The following PSTPIP1 variants were observed in gnomAD, a reference collection of about 807,000 sequenced individuals.
PSTPIP1 encodes the protein proline-serine-threonine phosphatase-interacting protein 1.
A neutral mutation model predicts 69.6 loss-of-function variants in PSTPIP1; 66 were observed. The ratio of observed to expected loss-of-function variants is 0.95; its 90% CI spans 0.78 to 1.16. The LOEUF (loss-of-function observed/expected upper bound fraction) is 1.16, where lower values mean the gene tolerates loss of function less well. Ranked by LOEUF, PSTPIP1 falls within the 50% of genes most tolerant of loss-of-function variation. The pLI is 0.00. For missense variants in PSTPIP1, 603 were observed against 557.4 expected (o/e 1.08, Z -0.82); for synonymous variants, 266 against 222.7 (o/e 1.19, Z -1.73).
At chr15:77,015,785 C>T (rs955221100) in intron 1 of PSTPIP1, 2 of 384,892 alleles carry the variant, frequency 5.2e-6, no homozygotes, top group East Asian at 7.3e-5. Context: ...TGGGAGGCAT[C>T]GTGAGCAGCC....
At chr15:76,997,131 G>A (rs953581814) in intron 1 of PSTPIP1, among the ~76,000 whole-genome samples, 9 of 152,218 alleles carry the variant, frequency 5.9e-5, no homozygotes, top group Non-Finnish European at 7.3e-5. Context: ...TATGGCAGCC[G>A]CAGCAGAAGC....
At chr15:77,015,624 A>T (rs896645832) in intron 1 of PSTPIP1, among the ~76,000 whole-genome samples, 8 of 152,146 alleles carry the variant, frequency 5.3e-5, no homozygotes, top group Non-Finnish European at 1.0e-4. Context: ...TGACTGATTA[A>T]GTTACAGGAT....
intron 1 of PSTPIP1, among the ~76,000 whole-genome samples, chr15:77,003,196 C>A (rs2075746398): frequency 6.6e-6 from 1 of 152,194 alleles, no homozygotes; most frequent in Non-Finnish European, 1.5e-5. Context: ...GGATGCCCTT[C>A]CTCCTCACCC....
intron 1 of PSTPIP1, among the ~76,000 whole-genome samples, chr15:77,002,148 G>A (rs1391864539): frequency 6.6e-6 from 1 of 152,184 alleles, no homozygotes; most frequent in Non-Finnish European, 1.5e-5. Flanking sequence ...GCCCCCAAAC[G>A]CATTGTCAGT....
chr15:77,010,838 G>A (rs1014735485), intron 1 of PSTPIP1, among the ~76,000 whole-genome samples: 1 of 152,058 alleles, frequency 6.6e-6, no homozygotes, highest in Admixed American at 6.6e-5. Context: ...TAGAGACAGG[G>A]TTTCACCATG....
In PSTPIP1 at chr15:77,037,231, C is replaced by G; in HGVS notation, c.*55C>G. 6.5e-7 allele frequency: 1 copy of G among 1,547,728 alleles called. No homozygotes were observed. The stretch of plus-strand genomic sequence containing the variant: ...CCTGCCAGTGGAGCCAGCAGTGCCC[C>G]CAGCACTGTCCCCACCTTGCTAGGG... On this transcript the variant is annotated 3_prime_UTR_variant, in exon 15 of 15. Transcript: ENST00000558012.
Position 77,037,346 on chromosome 15 carries a change from G to GCCCAGAACCAAGC in PSTPIP1, c.*170_*171insCCCAGAACCAAGC. ...CGTTCTGTTCTCCTTGGTGTGCTGG[G>GCCCAGAACCAAGC]GTCCCGTTCTCTTTTTCTCCTGCTC... On this transcript the variant is annotated 3_prime_UTR_variant, in exon 15 of 15. Transcript: ENST00000558012. The GCCCAGAACCAAGC allele has an allele frequency of 1.1e-6, 1 of 869,718 alleles. No individual in the cohort carries two copies. The highest frequency in any genetic ancestry group is 1.7e-6 in the Non-Finnish European group (1 of 597,544). 53.9% of individuals were successfully genotyped at this position (869,718 alleles called of 1,614,324 possible).
chr15:77,025,484 T>C lies in PSTPIP1; in HGVS notation c.248-14T>C. Reference sequence around the variant, plus strand: ...ATCTGACACTGGGGACCAGTATCCATGCTCTGCCCCCAGAAATGGAGAATG... The same window carrying C: ...ATCTGACACTGGGGACCAGTATCCACGCTCTGCCCCCAGAAATGGAGAATG... On this transcript the variant is annotated splice_polypyrimidine_tract_variant and intron_variant, in intron 4 of 14. Transcript: ENST00000558012. The C allele has an allele frequency of 6.4e-7, 1 of 1,567,760 alleles. No individual in the cohort carries two copies. The highest frequency in any genetic ancestry group is 1.4e-5 in the African/African-American group (1 of 73,794).
chr15:77,003,159 G>C (rs1225799284), intron 1 of PSTPIP1, among the ~76,000 whole-genome samples: 1 of 152,198 alleles, frequency 6.6e-6, no homozygotes, highest in Non-Finnish European at 1.5e-5. Context: ...TCATGCAAAA[G>C]AGGACAGAGG....
At position 77,030,576 on chromosome 15, in the gene PSTPIP1, T is replaced by A; in HGVS notation, c.637T>A (p.Cys213Ser). Reference sequence around the variant, plus strand: ...GTGGGAGCAGGAGCACCGGACCACCTGTGAGGTGAGTGGCCCACGTGGAGC... The same window carrying A: ...GTGGGAGCAGGAGCACCGGACCACCAGTGAGGTGAGTGGCCCACGTGGAGC... ...AEWEQEHRTT[C>S]EAFQLQEFDR... The change falls in exon 9 of 15, where the codon TGT becomes AGT. Residue 213 changes from cysteine (C) to serine (S), a missense_variant. Physicochemically the swap from Cys to Ser is moderately radical, Grantham distance 112. Transcript: ENST00000558012. 1 of 1,599,876 alleles carries A rather than the reference T, an allele frequency of 6.3e-7. No individual in the cohort carries two copies. Among genetic ancestry groups the A allele is most frequent in the South Asian group, 1.1e-5 (1 of 90,602 alleles).
chr15:77,028,569 G>C lies in PSTPIP1; in HGVS notation c.433G>C (p.Glu145Gln). 2 of 1,602,070 alleles carry C rather than the reference G, an allele frequency of 1.2e-6. No individual in the cohort carries two copies. The highest frequency in any genetic ancestry group is 1.7e-6 in the Non-Finnish European group (2 of 1,175,120). Residue 145 changes from glutamate (E) to glutamine (Q), a missense_variant, in exon 7 of 15, where the codon GAG (glutamate) becomes CAG (glutamine). Coordinates refer to ENST00000558012, the MANE Select transcript of PSTPIP1 (RefSeq NM_003978.5). The stretch of plus-strand genomic sequence containing the variant: ...ACACCCCCAGTCCAAGAAGACATAC[G>C]AGCAGAAGTGCCGGGACGCGGACGA... The part of the protein sequence containing the change: ...KKAMESKKTY[E>Q]QKCRDADDAE...
Position 77,035,806 on chromosome 15 carries a change from C to T in PSTPIP1, c.990C>T (p.Ser330=), listed in dbSNP as rs765024735. 1.2e-6 allele frequency: 2 copies of T among 1,606,932 alleles called. No individual in the cohort carries two copies. The highest frequency in any genetic ancestry group is 1.7e-6 in the Non-Finnish European group (2 of 1,179,324). ...KTTSLAASAA[S]TETLTPTPER... is the part of the protein sequence containing the mutation. ...TATGTCTCACCCTGCTCTTAGCGTC[C>T]ACAGAGACCCTGACCCCCACCCCCG... The change falls in exon 14 of 15, where the codon TCC becomes TCT. Residue 330 remains serine (S), a synonymous_variant. Transcript: ENST00000558012.
chr15:77,034,661 C>T (rs988733846), intron 12 of PSTPIP1, among the ~76,000 whole-genome samples: 2 of 152,178 alleles, frequency 1.3e-5, no homozygotes, highest in African/African-American at 4.8e-5. Flanking sequence ...TCCTGGTCAC[C>T]TGCAGTGCCT....
Position 77,037,036 on chromosome 15 carries a change from C to G in PSTPIP1, c.1120-9C>G, listed in dbSNP as rs747139033. The G allele has an allele frequency of 4.0e-5, 65 of 1,611,616 alleles. No homozygotes were observed. Among genetic ancestry groups the G allele is most frequent in the Middle Eastern group, 1.6e-4 (1 of 6,074 alleles). On this transcript the variant is annotated splice_polypyrimidine_tract_variant and intron_variant, in intron 14 of 14. Coordinates refer to ENST00000558012, the MANE Select transcript of PSTPIP1 (RefSeq NM_003978.5). ...TTCCAACGTCATGCGCTTTCAATCT[C>G]TTGGCCAGAACCCAGATGAGCTGGA...
chr15:77,031,685 C>T (rs1246445113), intron 10 of PSTPIP1: 6 of 194,124 alleles, frequency 3.1e-5, no homozygotes, highest in Non-Finnish European at 6.5e-5. Context: ...CTCCCCACAT[C>T]TCCAGGGTGT....
At chr15:77,015,942 G>A (rs746828604) in intron 1 of PSTPIP1, 58 of 456,190 alleles carry the variant, frequency 1.3e-4, no homozygotes, top group Admixed American at 8.2e-4. Context: ...TGAGCACGGC[G>A]GTCACAGCCT....
At position 77,037,092 on chromosome 15, in the gene PSTPIP1, C is replaced by T. The variant is rs1325283122; in HGVS notation, c.1167C>T (p.Ile389=). ...CCGCGGGAGACATCCTGGAGGTGAT[C>T]CTGGAAGGGGAGGATGGCTGGTGGA... The part of the protein sequence containing the change: ...DLSAGDILEV[I]LEGEDGWWTV... Residue 389 remains isoleucine (I), a synonymous_variant, in exon 15 of 15, where the codon ATC becomes ATT. Transcript: ENST00000558012. 2 of 1,612,332 alleles carry T rather than the reference C, an allele frequency of 1.2e-6. No homozygotes were observed. Among genetic ancestry groups the T allele is most frequent in the East Asian group, 4.5e-5 (2 of 44,880 alleles).
At chr15:77,012,416 TCCAC>T (rs1483100732) in intron 1 of PSTPIP1, among the ~76,000 whole-genome samples, 17 of 107,282 alleles carry the variant, frequency 1.6e-4, no homozygotes, top group Non-Finnish European at 7.4e-5. Context: ...CATCTACCCA[TCCAC>T]CCATCCATCC....
In PSTPIP1 at chr15:77,035,842, G is replaced by A. The variant is rs1265857041; in HGVS notation, c.1026G>A (p.Glu342=). The A allele has an allele frequency of 6.2e-7, 1 of 1,610,438 alleles. No homozygotes were observed. Among genetic ancestry groups the A allele is most frequent in the East Asian group, 2.2e-5 (1 of 44,854 alleles). ...TGACCCCCACCCCCGAGCGGAATGAGGGTGTCTACACAGCCATCGCAGTGC... is the reference window on the plus strand; with the variant it reads ...TGACCCCCACCCCCGAGCGGAATGAAGGTGTCTACACAGCCATCGCAGTGC... ...ETLTPTPERN[E]GVYTAIAVQE... is the part of the protein sequence containing the mutation. Residue 342 remains glutamate (E), a synonymous_variant, in exon 14 of 15, where the codon GAG becomes GAA. Coordinates refer to ENST00000558012, the MANE Select transcript of PSTPIP1 (RefSeq NM_003978.5).
Sources: allele counts gnomAD v4.1 joint callset (sites outside exome capture counted in the v4.1 genomes callset), GRCh38; gene constraint gnomAD v4.1.1; transcripts MANE v1.5; gene names NCBI Gene and HGNC (gene_info 2026-07-23, HGNC 2026-07-21).